SLC22A9: variants seen among roughly 807,000 people sequenced by gnomAD.
The protein encoded by SLC22A9 is solute carrier family 22 member 9.
Under a neutral mutation model 50.1 loss-of-function variants are expected in SLC22A9, and 64 were observed. That is an observed-to-expected ratio of 1.28 (90% CI 1.04 to 1.57). SLC22A9 has a LOEUF of 1.57. Among genes scored for constraint, SLC22A9 ranks in the 40% most tolerant of loss-of-function variants. The pLI, the probability that SLC22A9 is intolerant of heterozygous loss-of-function variation, is 0.00. For missense variants in SLC22A9, 757 were observed against 676.1 expected, an observed-to-expected ratio of 1.12 and a Z score of -1.33; for synonymous variants, 261 against 242.5, an observed-to-expected ratio of 1.08 and a Z score of -0.71.
At chr11:63,408,072 G>A in intron 7 of SLC22A9, 40 bp from the exon 8 acceptor site, 1 of 1,536,080 alleles carries the variant, frequency 6.5e-7, no homozygotes, top group Non-Finnish European at 9.0e-7. Flanking sequence ...GATTCCTTCA[G>A]CTCAGATTTC....
chr11:63,371,441 C>T (rs1422975312), intron 2 of SLC22A9, among the ~76,000 whole-genome samples: 2 of 152,088 alleles, frequency 1.3e-5, no homozygotes, highest in African/African-American at 4.8e-5. Flanking sequence ...AATGATATCT[C>T]CATGTGAACT....
At chr11:63,392,877 G>T (rs2014788774) in intron 6 of SLC22A9, among the ~76,000 whole-genome samples, 1 of 152,010 alleles carries the variant, frequency 6.6e-6, no homozygotes, top group African/African-American at 2.4e-5. Context: ...CTCAATAAGG[G>T]TTGCTTCACA....
intron 5 of SLC22A9, among the ~76,000 whole-genome samples, chr11:63,378,244 A>G (rs1247607954): frequency 7.4e-6 from 1 of 135,340 alleles, no homozygotes; most frequent in East Asian, 1.9e-4. Context: ...AAAAATTTTA[A>G]AAAAAGAAAA....
At chr11:63,400,305 A>G (rs1006939199) in intron 6 of SLC22A9, among the ~76,000 whole-genome samples, 1 of 152,046 alleles carries the variant, frequency 6.6e-6, no homozygotes, top group Non-Finnish European at 1.5e-5. Flanking sequence ...AATAAATCAA[A>G]TTGAAGATAA....
chr11:63,378,361 G>A (rs891847251), intron 5 of SLC22A9, among the ~76,000 whole-genome samples: 1 of 151,982 alleles, frequency 6.6e-6, no homozygotes, highest in Non-Finnish European at 1.5e-5. Flanking sequence ...ACTAGGCATC[G>A]AAGGAGCATA....
chr11:63,399,781 A>G (rs888594756), intron 6 of SLC22A9, among the ~76,000 whole-genome samples: 6 of 152,166 alleles, frequency 3.9e-5, no homozygotes, highest in African/African-American at 1.4e-4. Flanking sequence ...TTCTTTAGAT[A>G]GACCATGTTA....
At chr11:63,397,649 A>G (rs1185089083) in intron 6 of SLC22A9, among the ~76,000 whole-genome samples, 1 of 151,956 alleles carries the variant, frequency 6.6e-6, no homozygotes, top group Non-Finnish European at 1.5e-5. Context: ...GAGTCATCTC[A>G]TGGCCACCAC....
At chr11:63,379,451 G>A (rs1481890870) in intron 5 of SLC22A9, among the ~76,000 whole-genome samples, 1 of 152,172 alleles carries the variant, frequency 6.6e-6, no homozygotes, top group Non-Finnish European at 1.5e-5. Flanking sequence ...CAAAGGCCCT[G>A]ACAAAGGTCT....
rs528147775 is a variant in SLC22A9, at chr11:63,371,330, A to C, written c.506+92A>C. The C allele has an allele frequency of 8.3e-5, 87 of 1,046,548 alleles. 1 individual carries two copies. The East Asian group carries it at 2.2e-3, about 26-fold the overall frequency. The allele number at this position is 1,046,548 out of a possible 1,614,324, so 64.8% of individuals were successfully genotyped here. A position where few individuals can be genotyped will look rare whatever the true frequency, so the allele number is the denominator to read the frequency against. On this transcript the variant is annotated intron_variant, in intron 2 of 9. Transcript: ENST00000279178. Reference sequence around the variant, plus strand: ...TCTAGAATTACTTACTGCAAATTACATTCTCCTGAGGCTGCCCTGATCCCC... The same window carrying C: ...TCTAGAATTACTTACTGCAAATTACCTTCTCCTGAGGCTGCCCTGATCCCC...
At chr11:63,382,364 A>G (rs957257909) in intron 6 of SLC22A9, 87 bp downstream of exon 6, 2 of 926,556 alleles carry the variant, frequency 2.2e-6, no homozygotes, top group Non-Finnish European at 3.2e-6. Flanking sequence ...CATGTTTAGG[A>G]AACAGATTTG....
At chr11:63,405,872 G>C (rs186666386) in intron 6 of SLC22A9, among the ~76,000 whole-genome samples, 49 of 152,292 alleles carry the variant, frequency 3.2e-4, no homozygotes, top group African/African-American at 1.2e-3. Context: ...AGGCCCCATA[G>C]TTTAATCCTC....
At chr11:63,405,276 A>T (rs1219540825) in intron 6 of SLC22A9, among the ~76,000 whole-genome samples, 3 of 152,136 alleles carry the variant, frequency 2.0e-5, no homozygotes, top group African/African-American at 7.2e-5. Context: ...TCAGCTAAAC[A>T]GGAGAGATGA....
rs547184861 is a variant in SLC22A9, at chr11:63,372,047, A to G, written c.506+809A>G. Reference sequence around the variant, plus strand: ...GCTAAGAGTCAGAGGGTTAATTTCCAATAGTTAGTCACCCAGTCCTCTGTG... The same window carrying G: ...GCTAAGAGTCAGAGGGTTAATTTCCGATAGTTAGTCACCCAGTCCTCTGTG... On this transcript the variant is annotated intron_variant, in intron 2 of 9. Coordinates refer to ENST00000279178, the MANE Select transcript of SLC22A9 (RefSeq NM_080866.3). Among the ~76,000 whole-genome samples, 16 of 152,276 alleles carry G rather than the reference A, an allele frequency of 1.1e-4. No individual in the cohort carries two copies. The South Asian group carries it at 3.3e-3, about 32-fold the overall frequency.
At chr11:63,401,728 G>C (rs1328434062) in intron 6 of SLC22A9, among the ~76,000 whole-genome samples, 1 of 152,014 alleles carries the variant, frequency 6.6e-6, no homozygotes, top group East Asian at 1.9e-4. Context: ...CCCACCCGCA[G>C]TCTACTAGTG....
rs1293601521 is a variant in SLC22A9, at chr11:63,373,652, G to A, written c.515G>A (p.Arg172Lys). ...LGGHLSDRFG[R>K]RFVLRWCYLQ... is the part of the protein sequence containing the mutation. ...CTGTTTCTGTTTCTCAGGTTTGGGA[G>A]AAGGTTCGTGCTCAGATGGTGTTAC... The change falls in exon 3 of 10, where the codon AGA (arginine) becomes AAA (lysine). Residue 172 changes from arginine to lysine, a missense_variant. Coordinates refer to ENST00000279178, the MANE Select transcript of SLC22A9 (RefSeq NM_080866.3). The A allele has an allele frequency of 7.1e-6, 11 of 1,555,216 alleles. No homozygotes were observed. Among genetic ancestry groups the A allele is most frequent in the Non-Finnish European group, 8.6e-6 (10 of 1,156,188 alleles).
intron 5 of SLC22A9, among the ~76,000 whole-genome samples, chr11:63,380,575 G>T (rs1436547886): frequency 1.3e-5 from 2 of 152,142 alleles, no homozygotes; most frequent in Non-Finnish European, 2.9e-5. Flanking sequence ...GCCAATTAAT[G>T]CAGGAAAAGA....
At chr11:63,408,626 C>T (rs1373015884) in intron 8 of SLC22A9, 50 bp from the exon 9 acceptor site, 1 of 1,522,560 alleles carries the variant, frequency 6.6e-7, no homozygotes, top group Non-Finnish European at 9.1e-7. Flanking sequence ...TCACAAATTG[C>T]CTGTGTGGAT....
intron 5 of SLC22A9, among the ~76,000 whole-genome samples, chr11:63,377,509 A>G: frequency 6.6e-6 from 1 of 152,174 alleles, no homozygotes; most frequent in Non-Finnish European, 1.5e-5. Flanking sequence ...CAAACTAGTG[A>G]AAACAAAGAT....
In SLC22A9 at chr11:63,382,200, A is replaced by C. The variant is rs1801633; in HGVS notation, c.996A>C (p.Gln332His). The change falls in exon 6 of 10, where the codon CAA becomes CAC. Residue 332 changes from glutamine (Q) to histidine (H), a missense_variant. By Grantham distance (24) the Gln-to-His change is conservative. Coordinates refer to ENST00000279178, the MANE Select transcript of SLC22A9 (RefSeq NM_080866.3). ...TGAAAAAAGAACTGGAGGCAGCACA[A>C]AAAAAAAAACCTTCTCTGTGTGAAA... ...STMKKELEAA[Q>H]KKKPSLCEML... is the part of the protein sequence containing the mutation. The C allele has an allele frequency of 1.8e-5, 28 of 1,583,994 alleles. No individual in the cohort carries two copies. The highest frequency in any genetic ancestry group is 1.2e-4 in the African/African-American group (9 of 73,704).
Sources: gnomAD v4.1 joint callset for allele counts (sites outside exome capture counted in the v4.1 genomes callset) on GRCh38, gnomAD v4.1.1 for gene constraint, MANE v1.5 for transcripts, NCBI Gene and HGNC (gene_info 2026-07-23, HGNC 2026-07-21) for gene names.